NELL1: variants seen among roughly 807,000 people sequenced by gnomAD.
NELL1 encodes protein kinase C-binding protein NELL1.
NELL1 carries 76 observed loss-of-function variants against 107.4 expected under a neutral mutation model. The observed-to-expected ratio is 0.71, with a 90% CI of 0.59 to 0.86. The LOEUF is 0.86. NELL1 is among the 40% of genes least tolerant of loss of function. The pLI, the probability that NELL1 is intolerant of heterozygous loss-of-function variation, is 0.00. For missense variants in NELL1, 1,024 were observed against 1,005.5 expected (o/e 1.02, Z -0.25); for synonymous variants, 353 against 341.2 (o/e 1.03, Z -0.38).
chr11:21,272,350 G>A (rs912157697), intron 14 of NELL1, among the ~76,000 whole-genome samples: 4 of 152,190 alleles, frequency 2.6e-5, no homozygotes, highest in African/African-American at 4.8e-5. Context: ...CAGTGAGGCC[G>A]GGGGAGGGGG....
Position 20,825,086 on chromosome 11 carries a change from G to A in NELL1, c.336-22497G>A, listed in dbSNP as rs1467504692. Reference sequence around the variant, plus strand: ...AGCCCCAAGTCTTGGCAGACTTTATGTGGTGTTGGGCCTGTAGGTCCACAG... The same window carrying A: ...AGCCCCAAGTCTTGGCAGACTTTATATGGTGTTGGGCCTGTAGGTCCACAG... On this transcript the variant is annotated intron_variant, in intron 3 of 19. Transcript: ENST00000357134. 3.3e-5 allele frequency among the ~76,000 whole-genome samples: 5 copies of A among 151,506 alleles called. No homozygotes were observed. In the East Asian group the frequency reaches 9.6e-4, roughly 29 times the overall value.
chr11:21,559,807 T>G (rs1353258412), intron 16 of NELL1, among the ~76,000 whole-genome samples: 2 of 152,146 alleles, frequency 1.3e-5, no homozygotes, highest in Non-Finnish European at 1.5e-5. Context: ...TAACAGTGTT[T>G]ATGGCCTCTG....
At chr11:21,248,380 A>G (rs1858549314) in intron 14 of NELL1, among the ~76,000 whole-genome samples, 1 of 152,064 alleles carries the variant, frequency 6.6e-6, no homozygotes, top group African/African-American at 2.4e-5. Context: ...AAACAACATA[A>G]CAAGACAAAA....
At chr11:21,159,712 A>G (rs749795311) in intron 13 of NELL1, among the ~76,000 whole-genome samples, 14 of 152,170 alleles carry the variant, frequency 9.2e-5, no homozygotes, top group Non-Finnish European at 1.3e-4. Flanking sequence ...CTACACTGCA[A>G]AGTGGGGCTA....
intron 15 of NELL1, among the ~76,000 whole-genome samples, chr11:21,386,456 T>A (rs1379902510): frequency 6.6e-6 from 1 of 151,888 alleles, no homozygotes; most frequent in Non-Finnish European, 1.5e-5. Context: ...CCCCACTTCC[T>A]TCCATAGACA....
At chr11:21,378,269 A>G (rs911704188) in intron 15 of NELL1, among the ~76,000 whole-genome samples, 7 of 80,494 alleles carry the variant, frequency 8.7e-5, no homozygotes, top group South Asian at 3.2e-4. Context: ...ATATATGTAT[A>G]TATATATATA....
At chr11:21,263,971 A>C (rs1361232224) in intron 14 of NELL1, among the ~76,000 whole-genome samples, 1 of 151,904 alleles carries the variant, frequency 6.6e-6, no homozygotes, top group Admixed American at 6.6e-5. Flanking sequence ...AATTATGTGC[A>C]TTTAGCCAAC....
chr11:20,744,851 C>T (rs1227067633), intron 2 of NELL1, among the ~76,000 whole-genome samples: 1 of 152,176 alleles, frequency 6.6e-6, no homozygotes, highest in African/African-American at 2.4e-5. Context: ...CCATGATACT[C>T]CAAGCTTGTT....
At chr11:21,205,135 C>T (rs1282585489) in intron 13 of NELL1, among the ~76,000 whole-genome samples, 3 of 152,158 alleles carry the variant, frequency 2.0e-5, no homozygotes, top group Admixed American at 6.5e-5. Flanking sequence ...AGAGCTCGAA[C>T]GCTGTGCTGG....
chr11:20,857,004 A>G (rs968138385), intron 4 of NELL1, among the ~76,000 whole-genome samples: 2 of 152,238 alleles, frequency 1.3e-5, no homozygotes, highest in Non-Finnish European at 1.5e-5. Context: ...TTTGGAGTAC[A>G]GGTGCATAAC....
At chr11:21,446,166 A>G (rs934461292) in intron 15 of NELL1, among the ~76,000 whole-genome samples, 1 of 151,906 alleles carries the variant, frequency 6.6e-6, no homozygotes, top group African/African-American at 2.4e-5. Flanking sequence ...TGCATTTTTC[A>G]ACTCCAGAAT....
intron 12 of NELL1, among the ~76,000 whole-genome samples, chr11:21,092,414 A>G (rs1180706801): frequency 2.0e-5 from 3 of 152,224 alleles, no homozygotes; most frequent in Non-Finnish European, 4.4e-5. Context: ...AAATGGAATG[A>G]ATAAAGATAC....
At chr11:21,504,051 G>A (rs1855218763) in intron 15 of NELL1, 1 of 152,176 alleles carries the variant, frequency 6.6e-6, no homozygotes. Flanking sequence ...ACACAAATTA[G>A]TGAATAACTT....
intron 15 of NELL1, among the ~76,000 whole-genome samples, chr11:21,425,306 C>T (rs968218265): frequency 6.6e-6 from 1 of 152,088 alleles, no homozygotes; most frequent in Admixed American, 6.6e-5. Context: ...AATACAGTTC[C>T]ATACCTAGGT....
intron 12 of NELL1, among the ~76,000 whole-genome samples, chr11:21,033,790 G>GT (rs1219368061): frequency 1.3e-5 from 2 of 152,078 alleles, no homozygotes; most frequent in African/African-American, 4.8e-5. Flanking sequence ...TGGTATTTCT[G>GT]TTTTTTGTCT....
intron 15 of NELL1, among the ~76,000 whole-genome samples, chr11:21,401,911 C>T (rs1291259823): frequency 6.6e-6 from 1 of 151,710 alleles, no homozygotes; most frequent in African/African-American, 2.4e-5. Flanking sequence ...GTAAATGCAA[C>T]AATGTAGATA....
intron 13 of NELL1, among the ~76,000 whole-genome samples, chr11:21,181,620 T>C (rs751772263): frequency 6.6e-5 from 10 of 151,964 alleles, no homozygotes; most frequent in Non-Finnish European, 1.3e-4. Context: ...TTGCTGTCTC[T>C]GAACTATACA....
chr11:21,091,411 A>G (rs1854517546), intron 12 of NELL1, among the ~76,000 whole-genome samples: 1 of 152,236 alleles, frequency 6.6e-6, no homozygotes, highest in South Asian at 2.1e-4. Flanking sequence ...GAATGCATGG[A>G]AACATGGATA....
At chr11:20,898,468 T>G (rs960454454) in intron 5 of NELL1, among the ~76,000 whole-genome samples, 2 of 151,842 alleles carry the variant, frequency 1.3e-5, no homozygotes, top group African/African-American at 4.8e-5. Context: ...ATACCTAATG[T>G]TAAATGATGA....
Sources: allele counts gnomAD v4.1 joint callset (sites outside exome capture counted in the v4.1 genomes callset), GRCh38; gene constraint gnomAD v4.1.1; transcripts MANE v1.5; gene names NCBI Gene and HGNC (gene_info 2026-07-23, HGNC 2026-07-21).